TRIM38: variants seen among roughly 807,000 people sequenced by gnomAD.
The protein encoded by TRIM38 is E3 ubiquitin-protein ligase TRIM38.
A neutral mutation model predicts 35.8 loss-of-function variants in TRIM38; 35 were observed. The ratio of observed to expected loss-of-function variants is 0.98; its 90% confidence interval spans 0.75 to 1.30. TRIM38 has a LOEUF of 1.30. TRIM38 is among the 50% of genes most tolerant of loss of function. The pLI is 0.00. For synonymous variants in TRIM38, 198 were observed against 204.7 expected, an observed-to-expected ratio of 0.97 and a Z score of 0.28; for missense variants, 545 against 556.9, an observed-to-expected ratio of 0.98 and a Z score of 0.21.
At chr6:25,968,323 G>A (rs1247883102) in intron 3 of TRIM38, among the ~76,000 whole-genome samples, 2 of 152,092 alleles carry the variant, frequency 1.3e-5, no homozygotes, top group African/African-American at 2.4e-5. Context: ...GTAAGAAAAG[G>A]AACCAGCTTA....
Position 25,972,048 on chromosome 6 carries a change from C to T in TRIM38, c.687C>T (p.His229=), listed in dbSNP as rs1760252295. 3 of 1,614,114 alleles carry T rather than the reference C, an allele frequency of 1.9e-6. No homozygotes were observed. The highest frequency in any genetic ancestry group is 2.5e-6 in the Non-Finnish European group (3 of 1,180,024). ...TGAAGAGCAATGAACTCAAGAGCCA[C>T]ATCCTGGAACTGGAGGAAAAATGTC... ...LGLKSNELKS[H]ILELEEKCQG... Residue 229 remains histidine (H), a synonymous_variant, in exon 5 of 8, where the codon CAC becomes CAT. Transcript: ENST00000357085.
chr6:25,975,750 T>G (rs1200008121), intron 7 of TRIM38: 2 of 922,498 alleles, frequency 2.2e-6, no homozygotes, highest in African/African-American at 1.8e-5. Flanking sequence ...ATGTTACTCG[T>G]TACTTTTTAT....
At chr6:25,976,296 C>T (rs1296541185) in intron 7 of TRIM38, among the ~76,000 whole-genome samples, 2 of 152,170 alleles carry the variant, frequency 1.3e-5, no homozygotes, top group Non-Finnish European at 2.9e-5. Context: ...TAGACAGGGT[C>T]TCACTCTGTC....
chr6:25,972,932 G>C (rs1037687728), intron 5 of TRIM38, 122 bp from the exon 6 acceptor site: 16 of 1,270,462 alleles, frequency 1.3e-5, no homozygotes, highest in Admixed American at 2.2e-5. Flanking sequence ...CAATATCTAA[G>C]ACTAAGACTA....
chr6:25,981,605 G>A (rs1760547669), intron 7 of TRIM38, among the ~76,000 whole-genome samples: 1 of 152,138 alleles, frequency 6.6e-6, no homozygotes, highest in Non-Finnish European at 1.5e-5. Flanking sequence ...TATTTTTCAT[G>A]TATATTGGTC....
In TRIM38 at chr6:25,965,614, G is replaced by A. The variant is rs549396834; in HGVS notation, c.-188-721G>A. On this transcript the variant is annotated intron_variant, in intron 2 of 7. Coordinates refer to ENST00000357085, the MANE Select transcript of TRIM38 (RefSeq NM_006355.5). The stretch of plus-strand genomic sequence containing the variant: ...TCCACTACAGCCTGGGCAAGAGAGC[G>A]AGAACTTGTCTTATAAGAAAAGAAA... Among the ~76,000 whole-genome samples, 9 of 152,202 alleles carry A rather than the reference G, an allele frequency of 5.9e-5. No homozygotes were observed. The South Asian group carries it at 6.2e-4, about 11-fold the overall frequency.
rs1311950704 is a variant in TRIM38 at position 25,966,689 on chromosome 6, C to T, written c.167C>T (p.Thr56Ile). 5 of 1,614,092 alleles carry T rather than the reference C, an allele frequency of 3.1e-6. No individual in the cohort carries two copies. The highest frequency in any genetic ancestry group is 4.2e-6 in the Non-Finnish European group (5 of 1,180,036). Residue 56 changes from threonine (T) to isoleucine (I), a missense_variant, in exon 3 of 8, where the codon ACA becomes ATA. Physicochemically the swap from Thr to Ile is moderately conservative, Grantham distance 89. Coordinates refer to ENST00000357085, the MANE Select transcript of TRIM38 (RefSeq NM_006355.5). ...NPSQKQLRQE[T>I]FCCPQCRAPF... ...AGCCAAAAGCAACTGAGGCAGGAGACATTCTGCTGTCCCCAGTGTCGGGCT... is the reference window on the plus strand; with the variant it reads ...AGCCAAAAGCAACTGAGGCAGGAGATATTCTGCTGTCCCCAGTGTCGGGCT...
chr6:25,990,137 C>T lies in TRIM38; in HGVS notation c.*6450C>T, dbSNP rs1760804195. 6.6e-6 allele frequency: 1 copy of T among 151,336 alleles called. No homozygotes were observed. 9.4% of individuals were successfully genotyped at this position (151,336 alleles called of 1,614,324 possible). A position where few individuals can be genotyped will look rare whatever the true frequency, so the allele number is the denominator to read the frequency against. On this transcript the variant is annotated 3_prime_UTR_variant, in exon 8 of 8. Coordinates refer to ENST00000357085, the MANE Select transcript of TRIM38 (RefSeq NM_006355.5). ...CAAAGGGTTGGATATGTTTTATCTA[C>T]AGTTTTGTTGTTTTGTTCTGCTACA...
intron 3 of TRIM38, 66 bp from the exon 4 acceptor site, chr6:25,969,259 A>AT: frequency 8.7e-7 from 1 of 1,151,934 alleles, no homozygotes; most frequent in Non-Finnish European, 1.3e-6. Flanking sequence ...GAAGATTGGG[A>AT]TTCCCCCTAG....
rs1334259342 is a variant in TRIM38, at chr6:25,990,743, A to G, written c.*7056A>G. ...TGAAAATAATCAGTATTTCAATTTAATTACTAATTATAATTCACAGTTATC... is the reference window on the plus strand; with the variant it reads ...TGAAAATAATCAGTATTTCAATTTAGTTACTAATTATAATTCACAGTTATC... On this transcript the variant is annotated 3_prime_UTR_variant, in exon 8 of 8. Coordinates refer to ENST00000357085, the MANE Select transcript of TRIM38 (RefSeq NM_006355.5). 6.6e-6 allele frequency: 1 copy of G among 151,868 alleles called. No individual in the cohort carries two copies. Among genetic ancestry groups the G allele is most frequent in the Admixed American group, 6.5e-5 (1 of 15,272 alleles). 9.4% of individuals were successfully genotyped at this position (151,868 alleles called of 1,614,324 possible). A position where few individuals can be genotyped will look rare whatever the true frequency, so the allele number is the denominator to read the frequency against.
chr6:25,975,314 C>T, intron 7 of TRIM38: 1 of 202,094 alleles, frequency 4.9e-6, no homozygotes, highest in Non-Finnish European at 8.8e-6. Context: ...GGTTCCAGCG[C>T]CTCAGCCTCC....
chr6:25,969,272 C>A, intron 3 of TRIM38, 53 bp from the exon 4 acceptor site: 3 of 1,298,956 alleles, frequency 2.3e-6, no homozygotes, highest in South Asian at 2.5e-5. Flanking sequence ...CCCCCTAGGT[C>A]CCTAATGAAG....
chr6:25,970,865 A>G (rs759535896), intron 4 of TRIM38, among the ~76,000 whole-genome samples: 15 of 152,220 alleles, frequency 9.9e-5, no homozygotes, highest in Admixed American at 2.6e-4. Context: ...ATTAATTTAG[A>G]CAGCACTAAT....
chr6:25,976,102 G>A (rs536912072), intron 7 of TRIM38, among the ~76,000 whole-genome samples: 15 of 152,302 alleles, frequency 9.8e-5, no homozygotes, highest in South Asian at 2.1e-4. Context: ...TTATATCACA[G>A]TCCTCTCTAT....
In TRIM38 at chr6:25,988,524, A is replaced by T. The variant is rs1760779434; in HGVS notation, c.*4837A>T. ...TTTTTTTTTTTTTTTGAGACAGAGG[A>T]GTCTTGCTCTGTTGCCCAGGCTGAA... is the stretch of plus-strand genomic sequence containing the variant. On this transcript the variant is annotated 3_prime_UTR_variant, in exon 8 of 8. Coordinates refer to ENST00000357085, the MANE Select transcript of TRIM38 (RefSeq NM_006355.5). 1 of 10,984 alleles carries T rather than the reference A, an allele frequency of 9.1e-5. No homozygotes were observed. The highest frequency in any genetic ancestry group is 1.5e-4 in the Non-Finnish European group (1 of 6,758). The allele number at this position is 10,984 out of a possible 1,614,324, so 0.7% of individuals were successfully genotyped here.
intron 7 of TRIM38, chr6:25,975,168 T>C (rs1265485081): frequency 1.0e-6 from 1 of 974,884 alleles, no homozygotes; most frequent in East Asian, 1.1e-4. Flanking sequence ...ATCTTTTAAC[T>C]AAATATTTCT....
In TRIM38 at chr6:25,983,650, A is replaced by G. The variant is rs754853168; in HGVS notation, c.1361A>G (p.Gln454Arg). ...CTCCGGCCCTATTTCCAGGTTTATC[A>G]ATATTCTCCTTTGTTTCTGCCTCCC... is the stretch of plus-strand genomic sequence containing the variant. The part of the protein sequence containing the change: ...DTLRPYFQVY[Q>R]YSPLFLPPPG... Residue 454 changes from glutamine to arginine, a missense_variant, in exon 8 of 8, where the codon CAA becomes CGA. Transcript: ENST00000357085. 1 of 1,608,302 alleles carries G rather than the reference A, an allele frequency of 6.2e-7. No individual in the cohort carries two copies. Among genetic ancestry groups the G allele is most frequent in the Non-Finnish European group, 8.5e-7 (1 of 1,177,602 alleles).
chr6:25,980,456 T>C (rs562022758), intron 7 of TRIM38, among the ~76,000 whole-genome samples: 64 of 152,060 alleles, frequency 4.2e-4, no homozygotes, highest in African/African-American at 1.5e-3. Context: ...AATCTCTCTC[T>C]GTCACCCAGG....
rs955351236 is a variant in TRIM38 at position 25,988,255 on chromosome 6, A to C, written c.*4568A>C. Reference sequence around the variant, plus strand: ...GGGTTAGCCCTGCTCAGCAAGGAGCAGTACCTGTTCTGCTGTTGTACACTG... The same window carrying C: ...GGGTTAGCCCTGCTCAGCAAGGAGCCGTACCTGTTCTGCTGTTGTACACTG... On this transcript the variant is annotated 3_prime_UTR_variant, in exon 8 of 8. Transcript: ENST00000357085. The C allele has an allele frequency of 3.9e-5, 6 of 152,314 alleles. No individual in the cohort carries two copies. The highest frequency in any genetic ancestry group is 1.4e-4 in the African/African-American group (6 of 41,572). The allele number at this position is 152,314 out of a possible 1,614,324, so 9.4% of individuals were successfully genotyped here. A position where few individuals can be genotyped will look rare whatever the true frequency, so the allele number is the denominator to read the frequency against.
Sources: allele counts gnomAD v4.1 joint callset (sites outside exome capture counted in the v4.1 genomes callset), GRCh38; gene constraint gnomAD v4.1.1; transcripts MANE v1.5; gene names NCBI Gene and HGNC (gene_info 2026-07-23, HGNC 2026-07-21).